GALNT16: variants seen among roughly 807,000 people sequenced by gnomAD.
GALNT16 encodes the protein UDP-GalNAc:polypeptide N-acetylgalactosaminyltransferase-like protein 1.
A neutral mutation model predicts 76.1 loss-of-function variants in GALNT16; 40 were observed. That is an observed-to-expected ratio of 0.53 (90% CI 0.41 to 0.68). GALNT16 has a LOEUF of 0.68. GALNT16 is among the 30% of genes least tolerant of loss of function. The pLI is 0.00. For missense variants in GALNT16, 621 were observed against 731.9 expected (o/e 0.85, Z 1.75); for synonymous variants, 276 against 285.2 (o/e 0.97, Z 0.32).
intron 13 of GALNT16, 129 bp downstream of exon 13, chr14:69,347,310 C>A: frequency 6.0e-6 from 5 of 837,480 alleles, no homozygotes; most frequent in Non-Finnish European, 9.0e-6. Context: ...TTGCCAGGGG[C>A]CCCTAGACCC....
intron 9 of GALNT16, among the ~76,000 whole-genome samples, chr14:69,336,311 C>T (rs897658412): frequency 2.6e-5 from 4 of 152,070 alleles, no homozygotes; most frequent in South Asian, 2.1e-4. Context: ...GGTTTCACCA[C>T]GTTGGCCAGG....
intron 1 of GALNT16, among the ~76,000 whole-genome samples, chr14:69,305,364 T>C (rs1162782864): frequency 6.6e-6 from 1 of 152,120 alleles, no homozygotes; most frequent in African/African-American, 2.4e-5. Flanking sequence ...GGTTTCATTG[T>C]GTTGGCCAGG....
chr14:69,352,273 T>C lies in GALNT16; in HGVS notation c.*105T>C. On this transcript the variant is annotated 3_prime_UTR_variant, in exon 15 of 15. Transcript: ENST00000448469. The stretch of plus-strand genomic sequence containing the variant: ...GGCTGTTCCCATCTCCTCACATTTC[T>C]GCCAGGACCATCAGCAAATACCCAC... 4 of 1,036,126 alleles carry C rather than the reference T, an allele frequency of 3.9e-6. No homozygotes were observed. Among genetic ancestry groups the C allele is most frequent in the Non-Finnish European group, 4.1e-6 (3 of 726,912 alleles). 64.2% of individuals were successfully genotyped at this position (1,036,126 alleles called of 1,614,324 possible).
chr14:69,331,486 C>G lies in GALNT16; in HGVS notation c.713C>G (p.Pro238Arg). The change falls in exon 7 of 15, where the codon CCC becomes CGC. Residue 238 changes from proline (P) to arginine (R), a missense_variant. Physicochemically the swap from Pro to Arg is moderately radical, Grantham distance 103. Transcript: ENST00000448469. ...TAGGACCACACCCGCGTGGTGAGTCCCATCATTGATGTCATCAGTCTGGAT... is the reference window on the plus strand; with the variant it reads ...TAGGACCACACCCGCGTGGTGAGTCGCATCATTGATGTCATCAGTCTGGAT... ...VKEDHTRVVS[P>R]IIDVISLDNF... The G allele has an allele frequency of 6.2e-7, 1 of 1,606,992 alleles. No homozygotes were observed. Among genetic ancestry groups the G allele is most frequent in the Non-Finnish European group, 8.5e-7 (1 of 1,173,522 alleles).
intron 1 of GALNT16, among the ~76,000 whole-genome samples, chr14:69,312,748 G>T (rs889154777): frequency 1.3e-5 from 2 of 152,182 alleles, no homozygotes; most frequent in Non-Finnish European, 2.9e-5. Context: ...GTCCCTATCT[G>T]AGCCACGAGC....
At chr14:69,297,895 C>T (rs978354893) in intron 1 of GALNT16, among the ~76,000 whole-genome samples, 1 of 152,168 alleles carries the variant, frequency 6.6e-6, no homozygotes, top group African/African-American at 2.4e-5. Flanking sequence ...AGCATTGTGT[C>T]TTACATACTT....
At position 69,295,674 on chromosome 14, in the gene GALNT16, C is replaced by A. The variant is rs376417340; in HGVS notation, c.178-25037C>A. 3.8e-4 allele frequency among the ~76,000 whole-genome samples: 58 copies of A among 152,202 alleles called. No homozygotes were observed. The East Asian group carries it at 4.6e-3, about 12-fold the overall frequency. ...GGCAGAGGTTACAGTGAGCTGAGAT[C>A]GCACTACTGTACTCCAGCCTGGGCG... On this transcript the variant is annotated intron_variant, in intron 1 of 14. Transcript: ENST00000448469.
At chr14:69,268,019 G>A (rs1015712809) in intron 1 of GALNT16, among the ~76,000 whole-genome samples, 1 of 152,176 alleles carries the variant, frequency 6.6e-6, no homozygotes, top group Non-Finnish European at 1.5e-5. Flanking sequence ...ATTCTCATAA[G>A]GAATAAACTG....
chr14:69,260,515 G>C, intron 1 of GALNT16, 48 bp downstream of exon 1: 1 of 1,257,550 alleles, frequency 8.0e-7, no homozygotes, highest in Non-Finnish European at 1.0e-6. Context: ...GCCGCGGCGC[G>C]CGTCCAGACC....
intron 1 of GALNT16, among the ~76,000 whole-genome samples, chr14:69,295,675 G>T (rs370676653): frequency 2.6e-5 from 4 of 152,078 alleles, no homozygotes; most frequent in Admixed American, 6.5e-5. Context: ...AGCTGAGATC[G>T]CACTACTGTA....
chr14:69,373,729 C>CTTT, the GALNT16 span, among the ~76,000 whole-genome samples: 2 of 150,846 alleles, frequency 1.3e-5, no homozygotes, highest in African/African-American at 4.9e-5. Flanking sequence ...TTTTCTTTCT[C>CTTT]TTCTTTTTCT....
At chr14:69,264,796 TATTTTC>T in intron 1 of GALNT16, among the ~76,000 whole-genome samples, 1 of 142,372 alleles carries the variant, frequency 7.0e-6, no homozygotes, top group South Asian at 2.3e-4. Flanking sequence ...TTTCTTTTTT[TATTTTC>T]TCTTTTCTTT....
At chr14:69,365,944 C>A in the GALNT16 span, among the ~76,000 whole-genome samples, 2 of 152,138 alleles carry the variant, frequency 1.3e-5, no homozygotes, top group Non-Finnish European at 2.9e-5. Context: ...GACAGAGAAA[C>A]AAGTAAACCA....
At chr14:69,347,841 C>T (rs771080479) in intron 13 of GALNT16, 36 bp from the exon 14 acceptor site, 5 of 1,608,818 alleles carry the variant, frequency 3.1e-6, no homozygotes, top group Non-Finnish European at 4.2e-6. Flanking sequence ...CATCGCTGTA[C>T]TTTTTGACTT....
the GALNT16 span, among the ~76,000 whole-genome samples, chr14:69,376,584 C>T: frequency 6.6e-6 from 1 of 151,554 alleles, no homozygotes; most frequent in South Asian, 2.1e-4. Context: ...AGAAAGTTAA[C>T]CCAAGGTAAC....
At chr14:69,267,011 A>G (rs1395126772) in intron 1 of GALNT16, among the ~76,000 whole-genome samples, 1 of 152,180 alleles carries the variant, frequency 6.6e-6, no homozygotes, top group Non-Finnish European at 1.5e-5. Flanking sequence ...TGCCTGGTGG[A>G]GGCACCTTGA....
intron 1 of GALNT16, among the ~76,000 whole-genome samples, chr14:69,296,809 A>C (rs945093873): frequency 2.9e-4 from 6 of 20,934 alleles, no homozygotes; most frequent in African/African-American, 3.2e-4. Flanking sequence ...ATAGAGCTAG[A>C]TAGATAGATA....
At chr14:69,371,524 G>C in the GALNT16 span, among the ~76,000 whole-genome samples, 33 of 151,940 alleles carry the variant, frequency 2.2e-4, 2 homozygotes, top group South Asian at 6.5e-3. Context: ...CCAAAGTGCT[G>C]GGATTACAGG....
the GALNT16 span, among the ~76,000 whole-genome samples, chr14:69,372,197 G>A: frequency 6.6e-6 from 1 of 152,076 alleles, no homozygotes; most frequent in Non-Finnish European, 1.5e-5. Flanking sequence ...AAGGTGGCTG[G>A]GGGTTGGAGT....
Sources: gnomAD v4.1 joint callset for allele counts (sites outside exome capture counted in the v4.1 genomes callset) on GRCh38, gnomAD v4.1.1 for gene constraint, MANE v1.5 for transcripts, NCBI Gene and HGNC (gene_info 2026-07-23, HGNC 2026-07-21) for gene names.